The following NAV2 variants were observed in gnomAD, a reference collection of about 807,000 sequenced individuals.
NAV2 encodes the protein neuron navigator 2, also known as helicase, APC down-regulated 1.
NAV2 carries 54 observed loss-of-function variants against 223.2 expected under a neutral mutation model. The observed-to-expected ratio is 0.24, with a 90% CI of 0.19 to 0.30. The LOEUF is 0.30. NAV2 is among the 10% of genes least tolerant of loss of function. The probability of loss-of-function intolerance (pLI) is 1.00; values close to 1 mark genes in which losing one functional copy is unlikely to be tolerated. For synonymous variants in NAV2, 1,279 were observed against 1,239.3 expected (o/e 1.03, Z -0.67); for missense variants, 2,806 against 3,147.5 (o/e 0.89, Z 2.60).
intron 6 of NAV2, among the ~76,000 whole-genome samples, chr11:19,932,470 C>T (rs903922169): frequency 3.3e-5 from 5 of 152,088 alleles, no homozygotes; most frequent in African/African-American, 1.2e-4. Context: ...AGGCATGTGC[C>T]ACCACACCCA....
chr11:19,689,100 A>G (rs1001273110), intron 1 of NAV2, among the ~76,000 whole-genome samples: 1 of 152,182 alleles, frequency 6.6e-6, no homozygotes, highest in Non-Finnish European at 1.5e-5. Context: ...GAGGATCCCA[A>G]TGTGGCCCTT....
At chr11:20,016,882 T>C (rs2439880) in intron 11 of NAV2, among the ~76,000 whole-genome samples, 149,862 of 151,904 alleles carry the variant, frequency 0.99, 73,954 homozygotes, top group South Asian at 1. Flanking sequence ...GGCGCACACC[T>C]GTAGTGCTAG....
intron 1 of NAV2, among the ~76,000 whole-genome samples, chr11:19,515,331 C>G (rs2043411636): frequency 6.6e-6 from 1 of 152,306 alleles, no homozygotes; most frequent in South Asian, 2.1e-4. Context: ...GCACTTACAG[C>G]TCAAATATTA....
chr11:20,053,110 C>G (rs1033178751), intron 17 of NAV2, among the ~76,000 whole-genome samples: 1 of 148,082 alleles, frequency 6.8e-6, no homozygotes, highest in African/African-American at 2.5e-5. Flanking sequence ...CCCAGCTACT[C>G]GGGAGGCTGA....
At chr11:19,976,184 G>A (rs969858290) in intron 10 of NAV2, among the ~76,000 whole-genome samples, 5 of 152,082 alleles carry the variant, frequency 3.3e-5, no homozygotes, top group African/African-American at 9.7e-5. Flanking sequence ...TTTCTTTAGT[G>A]TGCACACAAA....
At chr11:19,502,288 A>G (rs543741957) in intron 1 of NAV2, among the ~76,000 whole-genome samples, 67 of 152,292 alleles carry the variant, frequency 4.4e-4, no homozygotes, top group Admixed American at 1.4e-3. Context: ...CAGTTTCCCT[A>G]TTTATAATTT....
Position 19,832,533 on chromosome 11 carries a change from G to T in NAV2, c.317G>T (p.Arg106Leu). The change falls in exon 2 of 38, where the codon CGT (arginine) becomes CTT (leucine). Residue 106 changes from arginine to leucine, a missense_variant. By Grantham distance (102) the Arg-to-Leu change is moderately radical. Around this residue, in one of 4 missense-constraint regions of NAV2, gnomAD observed 1,167 missense variants for 1,180.5 expected, o/e 0.99. Coordinates refer to ENST00000349880, the MANE Select transcript of NAV2 (RefSeq NM_145117.5). The part of the protein sequence containing the change: ...NHYLAKSGHK[R>L]LIRDLQQDVT... The stretch of plus-strand genomic sequence containing the variant: ...TACCTAGCCAAATCCGGCCACAAGC[G>T]TCTCATCAGGGATCTCCAGCAAGAT... 6.2e-7 allele frequency: 1 copy of T among 1,614,176 alleles called. No individual in the cohort carries two copies. The highest frequency in any genetic ancestry group is 8.5e-7 in the Non-Finnish European group (1 of 1,180,022).
At chr11:19,417,496 G>A (rs1850424984) in intron 1 of NAV2, among the ~76,000 whole-genome samples, 1 of 152,178 alleles carries the variant, frequency 6.6e-6, no homozygotes, top group Admixed American at 6.5e-5. Flanking sequence ...CACTGTTGGT[G>A]GGATTGTAAA....
chr11:19,641,420 A>G (rs2047660412), intron 1 of NAV2, among the ~76,000 whole-genome samples: 1 of 151,214 alleles, frequency 6.6e-6, no homozygotes, highest in African/African-American at 2.4e-5. Context: ...ACTGCAGGAG[A>G]CTCTTAGCTG....
At chr11:19,849,231 T>G (rs2152968748) in intron 3 of NAV2, among the ~76,000 whole-genome samples, 1 of 152,320 alleles carries the variant, frequency 6.6e-6, no homozygotes, top group African/African-American at 2.4e-5. Context: ...CAAGTCTATT[T>G]TCAGAGATAT....
chr11:19,575,313 T>C (rs1215222079), intron 1 of NAV2: 2 of 154,282 alleles, frequency 1.3e-5, no homozygotes, highest in African/African-American at 2.4e-5. Flanking sequence ...GGTGGAAGCA[T>C]GCTGGGCGAG....
At chr11:19,858,748 T>A (rs2061522813) in intron 3 of NAV2, among the ~76,000 whole-genome samples, 1 of 152,260 alleles carries the variant, frequency 6.6e-6, no homozygotes, top group Admixed American at 6.5e-5. Context: ...TAGATAGTTC[T>A]GGTTCTGGCA....
rs559911382 is a variant in NAV2 at position 19,616,276 on chromosome 11, G to A, written c.76-216208G>A. On this transcript the variant is annotated intron_variant, in intron 1 of 37. Transcript: ENST00000360655. ...TGTGGGCCCACCTCTCATTATCAGT[G>A]TTCAGAGATAACCATTTTTGCTTCT... Among the ~76,000 whole-genome samples, 266 of 150,002 alleles carry A rather than the reference G, an allele frequency of 1.8e-3. 1 individual carries two copies. Among genetic ancestry groups the A allele is most frequent in the African/African-American group, 4.6e-3 (185 of 40,358 alleles).
At chr11:20,093,031 CG>C in intron 28 of NAV2, 67 bp from the exon 29 acceptor site, 1 of 1,038,228 alleles carries the variant, frequency 9.6e-7, no homozygotes, top group Non-Finnish European at 1.5e-6. Flanking sequence ...CAACCTGCAG[CG>C]GGGGTGTCAG....
chr11:19,947,488 C>T (rs1327118211), intron 9 of NAV2, among the ~76,000 whole-genome samples: 2 of 152,124 alleles, frequency 1.3e-5, no homozygotes, highest in Admixed American at 6.5e-5. Flanking sequence ...GTGAAACATC[C>T]CTTTTTCCAC....
chr11:19,391,875 C>A (rs1383160660), intron 1 of NAV2, among the ~76,000 whole-genome samples: 1 of 152,192 alleles, frequency 6.6e-6, no homozygotes, highest in Non-Finnish European at 1.5e-5. Context: ...GCTGTGTCTC[C>A]ACCCATCAGC....
chr11:19,790,307 A>T (rs2057430187), intron 1 of NAV2, among the ~76,000 whole-genome samples: 1 of 152,136 alleles, frequency 6.6e-6, no homozygotes, highest in Non-Finnish European at 1.5e-5. Context: ...GTCCAAACCA[A>T]TCCTTTTATA....
intron 1 of NAV2, among the ~76,000 whole-genome samples, chr11:19,376,484 T>C (rs960059738): frequency 6.6e-6 from 1 of 152,226 alleles, no homozygotes; most frequent in Non-Finnish European, 1.5e-5. Context: ...CCTGCTGTTA[T>C]ACTGCTAGTG....
At chr11:19,373,406 C>G (rs1007296856) in intron 1 of NAV2, among the ~76,000 whole-genome samples, 1 of 152,184 alleles carries the variant, frequency 6.6e-6, no homozygotes, top group African/African-American at 2.4e-5. Flanking sequence ...GCCACAATGA[C>G]CTTCTTGCTG....
Sources: allele counts gnomAD v4.1 joint callset (sites outside exome capture counted in the v4.1 genomes callset), GRCh38; gene constraint gnomAD v4.1.1; regional missense constraint gnomAD v4.1.1; transcripts MANE v1.5; gene names NCBI Gene and HGNC (gene_info 2026-07-23, HGNC 2026-07-21).